Variants in SYNPO2 observed in about 807,000 individuals in gnomAD.
SYNPO2 encodes the protein synaptopodin 2.
A neutral mutation model predicts 85.0 loss-of-function variants in SYNPO2; 56 were observed. The observed-to-expected ratio is 0.66, with a 90% CI of 0.53 to 0.82. The LOEUF (loss-of-function observed/expected upper bound fraction) is 0.82, where lower values mean the gene tolerates loss of function less well. Ranked by LOEUF, SYNPO2 falls within the 40% of genes least tolerant of loss-of-function variation. The pLI is 0.00. For missense variants in SYNPO2, 1,575 were observed against 1,534.2 expected (o/e 1.03, Z -0.44); for synonymous variants, 602 against 591.1 (o/e 1.02, Z -0.27).
At chr4:118,916,330 A>C (rs981515000) in intron 1 of SYNPO2, among the ~76,000 whole-genome samples, 4 of 151,338 alleles carry the variant, frequency 2.6e-5, no homozygotes, top group African/African-American at 9.7e-5. Flanking sequence ...GCACCACCAC[A>C]CCCAGCTGAT....
At chr4:119,033,078 G>A (rs1738352510) in intron 4 of SYNPO2, 1 of 985,202 alleles carries the variant, frequency 1.0e-6, no homozygotes, top group Admixed American at 6.2e-5. Flanking sequence ...GCACATAAAG[G>A]TGTACATGGC....
chr4:119,031,056 C>G lies in SYNPO2; in HGVS notation c.2281C>G (p.Pro761Ala), dbSNP rs761977430. Reference sequence around the variant, plus strand: ...ACAAAAGACCCCTCCTCCTGTTGCTCCAAAACCTGCAGTCAAGTCCTCATC... The same window carrying G: ...ACAAAAGACCCCTCCTCCTGTTGCTGCAAAACCTGCAGTCAAGTCCTCATC... ...AKQKTPPPVA[P>A]KPAVKSSSSQ... Residue 761 changes from proline (P) to alanine (A), a missense_variant, in exon 4 of 5, where the codon CCA (proline) becomes GCA (alanine). Around this residue, in one of 3 missense-constraint regions of SYNPO2, gnomAD observed 1,508 missense variants for 1,446.8 expected, o/e 1.04. Transcript: ENST00000307142. The G allele has an allele frequency of 3.1e-6, 5 of 1,614,034 alleles. No individual in the cohort carries two copies. The highest frequency in any genetic ancestry group is 1.7e-6 in the Non-Finnish European group (2 of 1,179,994).
rs1380860847 is a variant in SYNPO2, at chr4:118,888,967, G to C, written c.-70G>C. On this transcript the variant is annotated 5_prime_UTR_variant, in exon 1 of 5. Transcript: ENST00000307142. ...TCGGCAGGCGCCCGAAGCTGAGTGC[G>C]CATCCTCTACCGCACCCAAGCTTCG... 4 of 1,484,470 alleles carry C rather than the reference G, an allele frequency of 2.7e-6. No homozygotes were observed. The highest frequency in any genetic ancestry group is 1.7e-5 in the Admixed American group (1 of 58,744). The allele number at this position is 1,484,470 out of a possible 1,614,324, so 92.0% of individuals were successfully genotyped here.
chr4:118,853,019 C>A (rs1365549), intron 1 of SYNPO2, among the ~76,000 whole-genome samples: 49,373 of 152,096 alleles, frequency 0.32, 9,687 homozygotes, highest in East Asian at 0.54. Context: ...GCAGACACAA[C>A]TTTTCCAAAT....
rs187044661 is a variant in SYNPO2, at chr4:118,946,990, T to C, written c.105+57849T>C. Among the ~76,000 whole-genome samples, 1,032 of 152,344 alleles carry C rather than the reference T, an allele frequency of 6.8e-3. 4 individuals carry two copies. Among genetic ancestry groups the C allele is most frequent in the South Asian group, 0.025 (120 of 4,828 alleles). On this transcript the variant is annotated intron_variant, in intron 1 of 4. Coordinates refer to ENST00000307142, the MANE Select transcript of SYNPO2 (RefSeq NM_133477.3). ...TTGTGTTGCTTTCAGGAAGTCACAG[T>C]TGCTTTCCTGTGACTTTGTGAAGTC...
intron 4 of SYNPO2, among the ~76,000 whole-genome samples, chr4:119,045,871 G>A (rs1738855208): frequency 6.6e-6 from 1 of 152,024 alleles, no homozygotes; most frequent in African/African-American, 2.4e-5. Context: ...CTTCTTTTTT[G>A]AGAATAAAGA....
At position 119,058,753 on chromosome 4, in the gene SYNPO2, G is replaced by A. The variant is rs1393862309; in HGVS notation, c.*819G>A. ...CTCCCAAAGTGCTGGGATTACAGGC[G>A]TGAGCCACCACACCTGGCCTTTCTG... On this transcript the variant is annotated 3_prime_UTR_variant, in exon 5 of 5. Transcript: ENST00000307142. 1.3e-5 allele frequency: 2 copies of A among 151,968 alleles called. No homozygotes were observed. Among genetic ancestry groups the A allele is most frequent in the Admixed American group, 1.3e-4 (2 of 15,282 alleles). The allele number at this position is 151,968 out of a possible 1,614,324, so 9.4% of individuals were successfully genotyped here.
In SYNPO2 at chr4:119,057,808, A is replaced by G. The variant is rs1739261942; in HGVS notation, c.3660A>G (p.Ala1220=). The G allele has an allele frequency of 8.1e-6, 13 of 1,613,938 alleles. No individual in the cohort carries two copies. The highest frequency in any genetic ancestry group is 1.1e-5 in the Non-Finnish European group (13 of 1,180,010). Residue 1220 remains alanine, a synonymous_variant, in exon 5 of 5, where the codon GCA becomes GCG. Coordinates refer to ENST00000307142, the MANE Select transcript of SYNPO2 (RefSeq NM_133477.3). ...AATATGGTTCACAGTTGCCATATGCATATTATAGGCAGGCTTCAAGAAATG... is the reference window on the plus strand; with the variant it reads ...AATATGGTTCACAGTTGCCATATGCGTATTATAGGCAGGCTTCAAGAAATG... The part of the protein sequence containing the change: ...TSQYGSQLPY[A]YYRQASRNDS...
intron 1 of SYNPO2, among the ~76,000 whole-genome samples, chr4:118,919,218 G>A (rs1033571025): frequency 4.0e-5 from 6 of 151,754 alleles, no homozygotes; most frequent in African/African-American, 1.5e-4. Context: ...GACAGGAAGC[G>A]CTAGTCGATC....
At chr4:118,979,926 C>G (rs574699489) in intron 1 of SYNPO2, among the ~76,000 whole-genome samples, 2 of 152,226 alleles carry the variant, frequency 1.3e-5, no homozygotes, top group Non-Finnish European at 1.5e-5. Context: ...ATTGCTTGGT[C>G]TGTGCCTCGT....
chr4:118,863,703 C>A (rs1049444433), intron 1 of SYNPO2, among the ~76,000 whole-genome samples: 14 of 152,146 alleles, frequency 9.2e-5, no homozygotes, highest in Non-Finnish European at 4.4e-5. Flanking sequence ...CCTCCACCTC[C>A]CAGGTTCAAG....
chr4:118,944,129 C>T (rs895898008), intron 1 of SYNPO2, among the ~76,000 whole-genome samples: 3 of 151,934 alleles, frequency 2.0e-5, no homozygotes, highest in African/African-American at 7.3e-5. Flanking sequence ...TCTTTGATGT[C>T]AGCTTTACTT....
chr4:118,850,724 T>C (rs947866780), exon 1 of SYNPO2: 1 of 398,512 alleles, frequency 2.5e-6, no homozygotes, highest in Non-Finnish European at 4.4e-6. Context: ...CATGTTGCTC[T>C]GGAGCTCAGG....
At chr4:119,000,168 A>G (rs1041856093) in intron 1 of SYNPO2, among the ~76,000 whole-genome samples, 4 of 152,172 alleles carry the variant, frequency 2.6e-5, no homozygotes, top group African/African-American at 9.7e-5. Flanking sequence ...CACACTATCA[A>G]TCTTTTTCCA....
At chr4:119,017,573 T>C (rs1737569626) in intron 1 of SYNPO2, among the ~76,000 whole-genome samples, 1 of 152,084 alleles carries the variant, frequency 6.6e-6, no homozygotes, top group African/African-American at 2.4e-5. Flanking sequence ...AAAACTTTAA[T>C]TGTTGCCTGA....
intron 1 of SYNPO2, among the ~76,000 whole-genome samples, chr4:118,909,370 A>G (rs1038857026): frequency 6.6e-6 from 1 of 152,096 alleles, no homozygotes; most frequent in Non-Finnish European, 1.5e-5. Context: ...GTATTGACCT[A>G]CAGGAGTTGA....
At chr4:118,938,330 A>G (rs1734183472) in intron 1 of SYNPO2, among the ~76,000 whole-genome samples, 1 of 152,160 alleles carries the variant, frequency 6.6e-6, no homozygotes, top group Non-Finnish European at 1.5e-5. Context: ...AATTTAAAGA[A>G]AACATATGTA....
chr4:119,040,831 C>T (rs1205006449), intron 4 of SYNPO2, among the ~76,000 whole-genome samples: 4 of 152,190 alleles, frequency 2.6e-5, no homozygotes, highest in Admixed American at 6.5e-5. Context: ...CCTAGGAGGG[C>T]GCAGCTCACA....
chr4:118,964,588 A>C (rs1401336478), intron 1 of SYNPO2, among the ~76,000 whole-genome samples: 1 of 151,864 alleles, frequency 6.6e-6, no homozygotes, highest in Non-Finnish European at 1.5e-5. Context: ...GTGACATACT[A>C]TTTCTCTCTC....
Sources: gnomAD v4.1 joint callset for allele counts (sites outside exome capture counted in the v4.1 genomes callset) on GRCh38, gnomAD v4.1.1 for gene constraint, gnomAD v4.1.1 regional missense constraint, MANE v1.5 for transcripts, NCBI Gene and HGNC (gene_info 2026-07-23, HGNC 2026-07-21) for gene names.